The following PRDM16 variants were observed in gnomAD, a reference collection of about 807,000 sequenced individuals.
PRDM16 encodes the protein histone-lysine N-methyltransferase PRDM16.
A neutral mutation model predicts 110.6 loss-of-function variants in PRDM16; 23 were observed. That is an observed-to-expected ratio of 0.21 (90% CI 0.15 to 0.29). The LOEUF (loss-of-function observed/expected upper bound fraction) is 0.29. Ranked by LOEUF, PRDM16 falls within the 10% of genes least tolerant of loss-of-function variation. The pLI is 1.00. For missense variants in PRDM16, 1,615 were observed against 1,794.3 expected (o/e 0.90, Z 1.81); for synonymous variants, 799 against 781.8 (o/e 1.02, Z -0.37).
At position 3,156,246 on chromosome 1, in the gene PRDM16, G is replaced by A. The variant is rs181789369; in HGVS notation, c.38-29879G>A. 2.0e-4 allele frequency among the ~76,000 whole-genome samples: 30 copies of A among 152,302 alleles called. 1 individual carries two copies. Among genetic ancestry groups the A allele is most frequent in the Middle Eastern group, 6.8e-3 (2 of 294 alleles). On this transcript the variant is annotated intron_variant, in intron 1 of 16. Transcript: ENST00000270722. ...AGATGGGGCTGTCTGCAGGGCTCCC[G>A]GGCAGCAGGACAGTTTCCACGCGTT...
At position 3,394,799 on chromosome 1, in the gene PRDM16, G is replaced by A. The variant is rs7355115; in HGVS notation, c.574-1692G>A. On this transcript the variant is annotated intron_variant, in intron 4 of 16. Transcript: ENST00000270722. The stretch of plus-strand genomic sequence containing the variant: ...TTTGGGCCCGATTTTCTAATACAGT[G>A]GCTCAAGTTTCTTTTTTAAAAAAGA... 8.0e-3 allele frequency among the ~76,000 whole-genome samples: 1,221 copies of A among 152,218 alleles called. 11 individuals are homozygous for A. The highest frequency in any genetic ancestry group is 0.028 in the African/African-American group (1,156 of 41,526).
chr1:3,212,260 G>A (rs1248189296), intron 2 of PRDM16, among the ~76,000 whole-genome samples: 1 of 152,184 alleles, frequency 6.6e-6, no homozygotes, highest in African/African-American at 2.4e-5. Flanking sequence ...CTTTTATGCG[G>A]CCTTGTGCTA....
intron 14 of PRDM16, 65 bp downstream of exon 14, chr1:3,426,290 C>G: frequency 7.2e-7 from 1 of 1,388,362 alleles, no homozygotes; most frequent in Non-Finnish European, 1.0e-6. Context: ...TGGCCACCCT[C>G]AGAGGACATG....
At position 3,235,375 on chromosome 1, in the gene PRDM16, G is replaced by A. The variant is rs868553334; in HGVS notation, c.388-8712G>A. 1.8e-4 allele frequency among the ~76,000 whole-genome samples: 28 copies of A among 152,304 alleles called. 1 individual carries two copies. Among genetic ancestry groups the A allele is most frequent in the South Asian group, 1.2e-3 (6 of 4,818 alleles). On this transcript the variant is annotated intron_variant, in intron 2 of 16. Transcript: ENST00000270722. Reference sequence around the variant, plus strand: ...TGGCTCTTCATGAGCCATTGATCGCGAGGGCCACATGTCACCTGCTTTTAT... The same window carrying A: ...TGGCTCTTCATGAGCCATTGATCGCAAGGGCCACATGTCACCTGCTTTTAT...
chr1:3,258,691 T>C (rs937018820), intron 3 of PRDM16, among the ~76,000 whole-genome samples: 3 of 152,212 alleles, frequency 2.0e-5, no homozygotes, highest in Non-Finnish European at 4.4e-5. Context: ...AAGAGTCTGG[T>C]CTGGTGTTCA....
intron 3 of PRDM16, among the ~76,000 whole-genome samples, chr1:3,378,040 C>G (rs1366647779): frequency 6.6e-6 from 1 of 152,222 alleles, no homozygotes; most frequent in East Asian, 1.9e-4. Context: ...ATGTAGCACG[C>G]ACCCAGGTTG....
intron 1 of PRDM16, among the ~76,000 whole-genome samples, chr1:3,086,861 A>C (rs1306711773): frequency 6.6e-6 from 1 of 152,230 alleles, no homozygotes; most frequent in East Asian, 1.9e-4. Context: ...TCAGTGAAAA[A>C]TGAGAAGTCT....
intron 3 of PRDM16, among the ~76,000 whole-genome samples, chr1:3,257,828 G>A (rs889916591): frequency 3.3e-5 from 5 of 152,162 alleles, no homozygotes; most frequent in Non-Finnish European, 7.3e-5. Context: ...TCACTGTGAT[G>A]CCATTTTATA....
At chr1:3,321,191 ATAACT>A (rs1286700893) in intron 3 of PRDM16, among the ~76,000 whole-genome samples, 8 of 152,178 alleles carry the variant, frequency 5.3e-5, no homozygotes, top group East Asian at 1.9e-4. Flanking sequence ...TCCCTCAGAG[ATAACT>A]TAACCCCGGG....
At chr1:3,330,672 G>A (rs1336012976) in intron 3 of PRDM16, among the ~76,000 whole-genome samples, 2 of 152,232 alleles carry the variant, frequency 1.3e-5, no homozygotes, top group African/African-American at 4.8e-5. Context: ...GGACCCACTT[G>A]CCAGTCCAAT....
intron 3 of PRDM16, among the ~76,000 whole-genome samples, chr1:3,269,995 G>A (rs550997699): frequency 6.7e-6 from 1 of 150,122 alleles, no homozygotes. Flanking sequence ...GACAGTCAGG[G>A]GAGCATAGTC....
At chr1:3,087,211 C>T (rs2472825) in intron 1 of PRDM16, among the ~76,000 whole-genome samples, 4 of 149,058 alleles carry the variant, frequency 2.7e-5, no homozygotes, top group South Asian at 4.3e-4. Context: ...CAGCCCCACC[C>T]GAGACCAGCC....
At chr1:3,338,395 AGG>A (rs1463717230) in intron 3 of PRDM16, among the ~76,000 whole-genome samples, 91 of 152,360 alleles carry the variant, frequency 6.0e-4, no homozygotes, top group African/African-American at 2.1e-3. Context: ...CACACTGTCC[AGG>A]GAGCAAGTGC....
intron 1 of PRDM16, among the ~76,000 whole-genome samples, chr1:3,156,559 A>T (rs544844689): frequency 6.6e-6 from 1 of 152,184 alleles, no homozygotes; most frequent in African/African-American, 2.4e-5. Flanking sequence ...CTCCTGGTAG[A>T]GGCAGGAGCT....
chr1:3,247,980 C>T (rs1639830480), intron 3 of PRDM16, among the ~76,000 whole-genome samples: 1 of 152,200 alleles, frequency 6.6e-6, no homozygotes, highest in Admixed American at 6.5e-5. Context: ...CCATCCATCA[C>T]TCCGGGCGCG....
intron 2 of PRDM16, among the ~76,000 whole-genome samples, chr1:3,203,920 A>AT (rs1638690353): frequency 6.6e-6 from 1 of 152,150 alleles, no homozygotes; most frequent in African/African-American, 2.4e-5. Flanking sequence ...CAGGTGACAG[A>AT]AGGCGGTGCC....
chr1:3,315,056 G>A (rs1168101509), intron 3 of PRDM16, among the ~76,000 whole-genome samples: 21 of 53,896 alleles, frequency 3.9e-4, no homozygotes, highest in Admixed American at 1.9e-3. Context: ...GGAAAGCCCC[G>A]CTCCTCGAAG....
rs1638955892 is a variant in PRDM16, at chr1:3,438,076, GAAATC to G, written c.*4270_*4274del. The G allele has an allele frequency of 5.0e-6, 1 of 201,446 alleles. No homozygotes were observed. Among genetic ancestry groups the G allele is most frequent in the Admixed American group, 6.0e-5 (1 of 16,690 alleles). The allele number at this position is 201,446 out of a possible 1,614,324, so 12.5% of individuals were successfully genotyped here. On this transcript the variant is annotated 3_prime_UTR_variant, in exon 17 of 17. Coordinates refer to ENST00000270722, the MANE Select transcript of PRDM16 (RefSeq NM_022114.4). Reference sequence around the variant, plus strand: ...TTTAGAACTGTATAGTATTGAAAAAGAAATCAAATGTAAATGTCTGGTTTTCATAT... The same window carrying G: ...TTTAGAACTGTATAGTATTGAAAAAGAAATGTAAATGTCTGGTTTTCATAT...
intron 1 of PRDM16, among the ~76,000 whole-genome samples, chr1:3,098,919 C>A (rs976402801): frequency 1.3e-5 from 2 of 152,208 alleles, no homozygotes; most frequent in Admixed American, 1.3e-4. Flanking sequence ...ACCAAGGACC[C>A]GGCAAATGCT....
Sources: gnomAD v4.1 joint callset for allele counts (sites outside exome capture counted in the v4.1 genomes callset) on GRCh38, gnomAD v4.1.1 for gene constraint, MANE v1.5 for transcripts, NCBI Gene and HGNC (gene_info 2026-07-23, HGNC 2026-07-21) for gene names.